ZNF536: variants seen among roughly 807,000 people sequenced by gnomAD.
ZNF536 encodes zinc finger protein 536.
In ZNF536, 13 loss-of-function variants were observed where a neutral mutation model predicts 84.5. The ratio of observed to expected loss-of-function variants is 0.15; its 90% CI spans 0.10 to 0.24. The LOEUF is 0.24. Among genes scored for constraint, ZNF536 ranks in the 10% least tolerant of loss-of-function variants. ZNF536 has a pLI of 1.00. For missense variants in ZNF536, 1,536 were observed against 1,747.5 expected (o/e 0.88, Z 2.16); for synonymous variants, 811 against 742.5 (o/e 1.09, Z -1.50).
At chr19:30,614,216 T>G (rs2048202344) in intron 1 of ZNF536, among the ~76,000 whole-genome samples, 2 of 152,182 alleles carry the variant, frequency 1.3e-5, no homozygotes, top group African/African-American at 4.8e-5. Context: ...TTCCATATTT[T>G]TGTTATTAGG....
rs147891850 is a variant in ZNF536, at chr19:30,494,295, C to T, written c.2171-40552C>T. ...TTCGTTACAGCTAAGGTCAGTGTCC[C>T]GACAAGTGGACACTTTGCACTACGG... On this transcript the variant is annotated intron_variant, in intron 2 of 4. Coordinates refer to ENST00000355537, the MANE Select transcript of ZNF536 (RefSeq NM_014717.3). Among the ~76,000 whole-genome samples the T allele has an allele frequency of 1.9e-3, 284 of 152,242 alleles. 1 individual carries two copies. Among genetic ancestry groups the T allele is most frequent in the African/African-American group, 6.2e-3 (256 of 41,530 alleles).
chr19:30,607,372 G>T (rs999413956), intron 1 of ZNF536, among the ~76,000 whole-genome samples: 1 of 151,610 alleles, frequency 6.6e-6, no homozygotes, highest in African/African-American at 2.4e-5. Context: ...TTTTAATTAC[G>T]CTCTTCTTTG....
chr19:30,335,431 A>G (rs1204926769), intron 2 of ZNF536, among the ~76,000 whole-genome samples: 1 of 152,004 alleles, frequency 6.6e-6, no homozygotes, highest in Non-Finnish European at 1.5e-5. Context: ...CGAGCATGTC[A>G]TCTCCTTTTC....
At chr19:30,533,974 C>T (rs1002703703) in intron 2 of ZNF536, among the ~76,000 whole-genome samples, 7 of 152,238 alleles carry the variant, frequency 4.6e-5, no homozygotes, top group African/African-American at 1.2e-4. Flanking sequence ...AACATATCCT[C>T]CAACCACTAG....
rs180922532 is a variant in ZNF536, at chr19:30,282,343, G to C, written c.-189-1729G>C. On this transcript the variant is annotated intron_variant, in intron 1 of 5. Transcript: ENST00000585628. ...AGCCTCCAATGTAGCCACGAGGCTT[G>C]TGCTGGGCCCTTTCATGATTTAGAG... Among the ~76,000 whole-genome samples, 5 of 152,352 alleles carry C rather than the reference G, an allele frequency of 3.3e-5. No individual in the cohort carries two copies. The South Asian group carries it at 6.2e-4, about 19-fold the overall frequency.
chr19:30,329,921 A>C (rs535721299), intron 2 of ZNF536, among the ~76,000 whole-genome samples: 14 of 152,340 alleles, frequency 9.2e-5, no homozygotes, highest in African/African-American at 3.1e-4. Flanking sequence ...CTTGATTTTC[A>C]AAAAATATCC....
intron 2 of ZNF536, among the ~76,000 whole-genome samples, chr19:30,508,820 C>CTTTTTTTTTTTTTTTTTTTTTTTTT (rs914349353): frequency 4.4e-5 from 3 of 68,770 alleles, no homozygotes; most frequent in Non-Finnish European, 8.0e-5. Flanking sequence ...TTCTTTCTTT[C>CTTTTTTTTTTTTTTTTTTTTTTTTT]TTTTTTTTTT....
chr19:30,404,682 C>T (rs1276160571), intron 1 of ZNF536, among the ~76,000 whole-genome samples: 1 of 152,150 alleles, frequency 6.6e-6, no homozygotes, highest in Non-Finnish European at 1.5e-5. Flanking sequence ...TCTTATACTA[C>T]AACCACAGTC....
At chr19:30,287,606 GTGGA>G (rs1246582503) in intron 2 of ZNF536, among the ~76,000 whole-genome samples, 76 of 107,208 alleles carry the variant, frequency 7.1e-4, no homozygotes, top group Admixed American at 1.1e-3. Flanking sequence ...GGATGGATGG[GTGGA>G]TGGATGGGTG....
chr19:30,580,258 T>C (rs1485665907), intron 1 of ZNF536, among the ~76,000 whole-genome samples: 2 of 152,222 alleles, frequency 1.3e-5, no homozygotes. Context: ...CTCGGAGTTC[T>C]AGGTCCCCCT....
chr19:30,282,065 T>C (rs956906962), intron 1 of ZNF536, among the ~76,000 whole-genome samples: 14 of 152,340 alleles, frequency 9.2e-5, no homozygotes, highest in African/African-American at 3.4e-4. Flanking sequence ...CTCCCCACCC[T>C]GCATCACGAG....
chr19:30,384,757 T>C (rs2049269387), intron 1 of ZNF536, among the ~76,000 whole-genome samples: 3 of 152,152 alleles, frequency 2.0e-5, no homozygotes, highest in African/African-American at 7.2e-5. Flanking sequence ...CCAGGCATGG[T>C]GGCTTACATC....
At chr19:30,259,059 G>C (rs1313307831) in intron 1 of ZNF536, among the ~76,000 whole-genome samples, 2 of 152,008 alleles carry the variant, frequency 1.3e-5, no homozygotes, top group Non-Finnish European at 1.5e-5. Context: ...AATAAGTATA[G>C]CATTAAAAAT....
At chr19:30,495,453 T>G (rs1462426982) in intron 2 of ZNF536, among the ~76,000 whole-genome samples, 1 of 151,826 alleles carries the variant, frequency 6.6e-6, no homozygotes, top group African/African-American at 2.4e-5. Flanking sequence ...GAAAGGAAAA[T>G]GGGGAAGGAG....
chr19:30,344,626 G>T (rs2047681683), intron 2 of ZNF536, among the ~76,000 whole-genome samples: 1 of 151,946 alleles, frequency 6.6e-6, no homozygotes, highest in Non-Finnish European at 1.5e-5. Flanking sequence ...CACCTTAAAA[G>T]CCCTCACTGA....
At chr19:30,306,114 T>G (rs2046335820) in intron 2 of ZNF536, among the ~76,000 whole-genome samples, 1 of 152,250 alleles carries the variant, frequency 6.6e-6, no homozygotes. Context: ...GCAGTTTTAA[T>G]TCTACACTCC....
intron 1 of ZNF536, among the ~76,000 whole-genome samples, chr19:30,378,661 C>T (rs1297299505): frequency 6.6e-6 from 1 of 152,186 alleles, no homozygotes; most frequent in Non-Finnish European, 1.5e-5. Context: ...AGGTCTCTGC[C>T]CTTCATTGTC....
At chr19:30,270,374 C>T (rs1297479142) in intron 1 of ZNF536, among the ~76,000 whole-genome samples, 2 of 152,158 alleles carry the variant, frequency 1.3e-5, no homozygotes. Flanking sequence ...ACTGATTGAC[C>T]TTTTTGGGGC....
intron 1 of ZNF536, among the ~76,000 whole-genome samples, chr19:30,252,808 T>C (rs950829775): frequency 9.9e-5 from 15 of 152,216 alleles, no homozygotes; most frequent in African/African-American, 3.6e-4. Flanking sequence ...TTCTAAAGCA[T>C]TTTTTGTACC....
Sources: gnomAD v4.1 joint callset for allele counts (sites outside exome capture counted in the v4.1 genomes callset) on GRCh38, gnomAD v4.1.1 for gene constraint, MANE v1.5 for transcripts, NCBI Gene and HGNC (gene_info 2026-07-23, HGNC 2026-07-21) for gene names.